Variants in CIB1 observed in about 807,000 individuals in gnomAD.
CIB1 encodes the protein calcium and integrin binding 1.
A neutral mutation model predicts 25.0 loss-of-function variants in CIB1; 19 were observed. That is an observed-to-expected ratio of 0.76 (90% CI 0.53 to 1.12). CIB1 has a LOEUF of 1.12. Ranked by LOEUF, CIB1 falls within the 50% of genes most tolerant of loss-of-function variation. The probability of loss-of-function intolerance (pLI) is 0.00; values close to 1 mark genes in which losing one functional copy is unlikely to be tolerated. For synonymous variants in CIB1, 104 were observed against 98.5 expected (o/e 1.06, Z -0.33); for missense variants, 236 against 242.6 (o/e 0.97, Z 0.18).
At chr15:90,253,742 A>C in the CIB1 span, among the ~76,000 whole-genome samples, 1 of 152,212 alleles carries the variant, frequency 6.6e-6, no homozygotes, top group Non-Finnish European at 1.5e-5. Context: ...TTAGTTTAGC[A>C]TTCCACATCC....
At chr15:90,241,301 C>T in the CIB1 span, 22 of 1,614,100 alleles carry the variant, frequency 1.4e-5, no homozygotes, top group Middle Eastern at 1.6e-4. Flanking sequence ...AGATCCGGCC[C>T]GGAGAAGTCC....
At chr15:90,246,976 C>CT in the CIB1 span, among the ~76,000 whole-genome samples, 3,657 of 144,568 alleles carry the variant, frequency 0.025, 152 homozygotes, top group African/African-American at 0.084. Context: ...TCTTTCTTTC[C>CT]TTTTTTTTTT....
chr15:90,259,267 G>A, the CIB1 span, among the ~76,000 whole-genome samples: 1 of 151,990 alleles, frequency 6.6e-6, no homozygotes, highest in African/African-American at 2.4e-5. Flanking sequence ...TGACATGCCT[G>A]TATTCCCAGC....
At chr15:90,244,311 T>C in the CIB1 span, 1 of 152,254 alleles carries the variant, frequency 6.6e-6, no homozygotes, top group Non-Finnish European at 1.5e-5. Flanking sequence ...CCTCTTGATG[T>C]AGACACAAAA....
upstream of CIB1, among the ~76,000 whole-genome samples, chr15:90,236,870 C>T (rs748331437): frequency 1.3e-5 from 2 of 152,104 alleles, no homozygotes; most frequent in Non-Finnish European, 2.9e-5. Context: ...TGGTAGTCCT[C>T]GGTGAATCTG....
At chr15:90,234,076 A>G, upstream of CIB1, 1 of 598,364 alleles carries the variant, frequency 1.7e-6, no homozygotes, top group Non-Finnish European at 2.7e-6. Context: ...GCCGGCTCCA[A>G]GCGGTCCTAG....
chr15:90,230,578 C>T, intron 6 of CIB1, 73 bp from the exon 7 acceptor site: 1 of 1,473,798 alleles, frequency 6.8e-7, no homozygotes, highest in Non-Finnish European at 9.3e-7. Flanking sequence ...TTGCCCCCTT[C>T]TCCCTTTAGA....
the CIB1 span, chr15:90,264,105 C>T: frequency 8.3e-7 from 1 of 1,210,286 alleles, no homozygotes; most frequent in African/African-American, 1.5e-5. Context: ...ATGTAAATCC[C>T]ACTAGCAAGC....
the CIB1 span, chr15:90,257,680 A>C: frequency 1.2e-6 from 2 of 1,614,218 alleles, no homozygotes; most frequent in Non-Finnish European, 1.7e-6. Flanking sequence ...ATCAACAAAC[A>C]CAATGAGAAT....
the CIB1 span, chr15:90,265,042 T>C: frequency 6.7e-5 from 97 of 1,446,798 alleles, no homozygotes; most frequent in Non-Finnish European, 7.8e-5. Flanking sequence ...CTTTGCTAAA[T>C]GAATGACTGC....
chr15:90,231,265 G>A, intron 4 of CIB1, 52 bp from the exon 5 acceptor site: 1 of 1,608,700 alleles, frequency 6.2e-7, no homozygotes, highest in Non-Finnish European at 8.5e-7. Flanking sequence ...GGGCTCTGAG[G>A]TTCCCCAAAC....
the CIB1 span, chr15:90,262,414 T>C: frequency 7.2e-7 from 1 of 1,385,684 alleles, no homozygotes; most frequent in Non-Finnish European, 9.5e-7. Context: ...TCCTGCTCTT[T>C]CCTCATCCCC....
chr15:90,246,623 T>TA, the CIB1 span, among the ~76,000 whole-genome samples: 151,210 of 151,216 alleles, frequency 1, 75,602 homozygotes, highest in Middle Eastern at 1. Context: ...ACCCCATCTC[T>TA]CTGAAAATAC....
At chr15:90,253,337 G>A in the CIB1 span, 2 of 1,613,338 alleles carry the variant, frequency 1.2e-6, no homozygotes, top group East Asian at 4.5e-5. Flanking sequence ...CTGTCTCACT[G>A]GAACGAGTCA....
chr15:90,263,742 T>A, the CIB1 span: 1 of 687,260 alleles, frequency 1.5e-6, no homozygotes, highest in Non-Finnish European at 2.7e-6. Context: ...TCCTCTAGCC[T>A]AGATTTTGCT....
At chr15:90,253,159 C>T in the CIB1 span, 8 of 935,852 alleles carry the variant, frequency 8.5e-6, no homozygotes, top group East Asian at 1.8e-4. Flanking sequence ...GCCCTCGGGT[C>T]AGGTGTATAC....
chr15:90,262,778 G>A, the CIB1 span: 1 of 1,242,280 alleles, frequency 8.0e-7, no homozygotes, highest in African/African-American at 1.5e-5. Context: ...AAGAGAGAGA[G>A]GAGTTCCTAA....
chr15:90,254,428 G>A, the CIB1 span, among the ~76,000 whole-genome samples: 3 of 148,398 alleles, frequency 2.0e-5, no homozygotes, highest in African/African-American at 7.4e-5. Context: ...AGGAGGCGGA[G>A]GTTGCAGTGA....
chr15:90,259,043 T>C, the CIB1 span: 1 of 1,563,260 alleles, frequency 6.4e-7, no homozygotes, highest in Admixed American at 1.9e-5. Context: ...ACTTTTTGCA[T>C]AGATAATATG....
Sources: gnomAD v4.1 joint callset for allele counts (sites outside exome capture counted in the v4.1 genomes callset) on GRCh38, gnomAD v4.1.1 for gene constraint, MANE v1.5 for transcripts, NCBI Gene and HGNC (gene_info 2026-07-23, HGNC 2026-07-21) for gene names.